CAMK4: variants seen among roughly 807,000 people sequenced by gnomAD.
CAMK4 encodes the protein calcium/calmodulin-dependent protein kinase type IV.
Under a neutral mutation model 44.9 loss-of-function variants are expected in CAMK4, and 22 were observed. The observed-to-expected ratio is 0.49, with a 90% CI of 0.35 to 0.70. CAMK4 has a LOEUF of 0.70. Ranked by LOEUF, CAMK4 falls within the 30% of genes least tolerant of loss-of-function variation. The pLI is 0.01. For missense variants in CAMK4, 498 were observed against 586.8 expected, an observed-to-expected ratio of 0.85 and a Z score of 1.56; for synonymous variants, 218 against 215.4, an observed-to-expected ratio of 1.01 and a Z score of -0.11.
intron 5 of CAMK4, among the ~76,000 whole-genome samples, chr5:111,435,452 A>G (rs1009578903): frequency 6.6e-6 from 1 of 152,108 alleles, no homozygotes; most frequent in Admixed American, 6.6e-5. Context: ...CAGCTTCCTC[A>G]TCCTAGTGAA....
intron 5 of CAMK4, among the ~76,000 whole-genome samples, chr5:111,429,053 A>G (rs1242312148): frequency 2.0e-5 from 3 of 152,360 alleles, no homozygotes; most frequent in East Asian, 3.8e-4. Context: ...ATAACTTCAT[A>G]TAAACAATTT....
chr5:111,471,159 C>G (rs1373914243), intron 7 of CAMK4, among the ~76,000 whole-genome samples: 2 of 152,304 alleles, frequency 1.3e-5, no homozygotes, highest in African/African-American at 4.8e-5. Flanking sequence ...CCATTGAAAG[C>G]TCTATTTTTG....
At chr5:111,390,747 C>T (rs889293643) in intron 4 of CAMK4, among the ~76,000 whole-genome samples, 6 of 152,246 alleles carry the variant, frequency 3.9e-5, no homozygotes, top group African/African-American at 1.4e-4. Flanking sequence ...GACTAGACAG[C>T]AACTTGTTCT....
chr5:111,476,567 G>A (rs533330051), intron 8 of CAMK4, among the ~76,000 whole-genome samples: 9 of 151,692 alleles, frequency 5.9e-5, no homozygotes, highest in South Asian at 2.1e-4. Context: ...GTGACCCACC[G>A]CGCATGGCCC....
At chr5:111,432,968 C>T (rs1383860422) in intron 5 of CAMK4, among the ~76,000 whole-genome samples, 2 of 151,976 alleles carry the variant, frequency 1.3e-5, no homozygotes, top group East Asian at 1.9e-4. Context: ...TAGGCAAGCA[C>T]ACAAATATGA....
chr5:111,270,657 C>G (rs1163902959), intron 1 of CAMK4, among the ~76,000 whole-genome samples: 2 of 152,162 alleles, frequency 1.3e-5, no homozygotes, highest in African/African-American at 4.8e-5. Flanking sequence ...TTCCATGAAC[C>G]ACACCTTCCA....
chr5:111,407,397 A>ACTAAT (rs1438375098), intron 5 of CAMK4, among the ~76,000 whole-genome samples: 1 of 151,456 alleles, frequency 6.6e-6, no homozygotes, highest in African/African-American at 2.4e-5. Flanking sequence ...CCCAAAGTAT[A>ACTAAT]CTAATAGAGA....
chr5:111,365,042 C>CA (rs1936326878), intron 2 of CAMK4: 2 of 152,194 alleles, frequency 1.3e-5, no homozygotes, highest in Admixed American at 1.3e-4. Flanking sequence ...CCTAAACTCA[C>CA]ACTGAAAAAT....
chr5:111,431,233 C>A (rs1465979376), intron 5 of CAMK4, among the ~76,000 whole-genome samples: 3 of 152,080 alleles, frequency 2.0e-5, no homozygotes, highest in Non-Finnish European at 4.4e-5. Context: ...TCATCTCTGA[C>A]AAAGGTGCCA....
intron 1 of CAMK4, among the ~76,000 whole-genome samples, chr5:111,228,889 A>G (rs1748329778): frequency 6.6e-6 from 1 of 152,126 alleles, no homozygotes; most frequent in Non-Finnish European, 1.5e-5. Context: ...CCCCTTCTAA[A>G]CATTTTGGAA....
intron 1 of CAMK4, among the ~76,000 whole-genome samples, chr5:111,268,011 A>G (rs1021470112): frequency 1.3e-5 from 2 of 152,130 alleles, no homozygotes; most frequent in Non-Finnish European, 2.9e-5. Flanking sequence ...AGTGTTTTCC[A>G]TGAGAAGCCT....
intron 1 of CAMK4, among the ~76,000 whole-genome samples, chr5:111,258,013 T>C (rs1347540201): frequency 6.6e-6 from 1 of 151,110 alleles, no homozygotes; most frequent in Non-Finnish European, 1.5e-5. Flanking sequence ...ACGGGGAGGG[T>C]GTCGGGGGAG....
chr5:111,430,852 G>GAACCC, intron 5 of CAMK4, among the ~76,000 whole-genome samples: 1 of 151,712 alleles, frequency 6.6e-6, no homozygotes, highest in Admixed American at 6.6e-5. Flanking sequence ...TCGAAGAATC[G>GAACCC]GTATTATTAA....
intron 5 of CAMK4, among the ~76,000 whole-genome samples, chr5:111,425,415 G>A (rs964557087): frequency 6.6e-6 from 1 of 152,164 alleles, no homozygotes; most frequent in African/African-American, 2.4e-5. Context: ...TGACTTCCAG[G>A]CATAGCAGCT....
intron 1 of CAMK4, among the ~76,000 whole-genome samples, chr5:111,251,843 C>T (rs760081800): frequency 4.6e-5 from 7 of 152,026 alleles, no homozygotes; most frequent in East Asian, 1.9e-4. Flanking sequence ...TTCCATCTCA[C>T]GTAATGTTAT....
intron 1 of CAMK4, among the ~76,000 whole-genome samples, chr5:111,241,510 C>A (rs1442152735): frequency 5.3e-5 from 8 of 152,142 alleles, no homozygotes; most frequent in African/African-American, 1.7e-4. Context: ...GGTTTCTCCA[C>A]TGTACAGTTA....
At chr5:111,261,872 A>G (rs1392517493) in intron 1 of CAMK4, among the ~76,000 whole-genome samples, 3 of 152,132 alleles carry the variant, frequency 2.0e-5, no homozygotes, top group Non-Finnish European at 4.4e-5. Context: ...TCTTCTTAAA[A>G]GTATTTTTTT....
At chr5:111,234,760 TAAAG>T (rs922482278) in intron 1 of CAMK4, among the ~76,000 whole-genome samples, 1 of 152,106 alleles carries the variant, frequency 6.6e-6, no homozygotes, top group Non-Finnish European at 1.5e-5. Flanking sequence ...TGGAAAAAAA[TAAAG>T]AAGGCTAGAT....
intron 1 of CAMK4, among the ~76,000 whole-genome samples, chr5:111,321,834 A>G (rs1719562422): frequency 6.6e-6 from 1 of 152,172 alleles, no homozygotes; most frequent in African/African-American, 2.4e-5. Context: ...GAAATTTCTT[A>G]ATTCTGCCCT....
Sources: allele counts gnomAD v4.1 joint callset (sites outside exome capture counted in the v4.1 genomes callset), GRCh38; gene constraint gnomAD v4.1.1; transcripts MANE v1.5; gene names NCBI Gene and HGNC (gene_info 2026-07-23, HGNC 2026-07-21).